MGAT4C: variants seen among roughly 807,000 people sequenced by gnomAD.
MGAT4C encodes MGAT4 family member C.
MGAT4C carries 19 observed loss-of-function variants against 40.1 expected under a neutral mutation model. That is an observed-to-expected ratio of 0.47 (90% CI 0.33 to 0.70). MGAT4C has a LOEUF of 0.70. Ranked by LOEUF, MGAT4C falls within the 30% of genes least tolerant of loss-of-function variation. MGAT4C has a pLI of 0.02. For missense variants in MGAT4C, 491 were observed against 563.2 expected (o/e 0.87, Z 1.30); for synonymous variants, 181 against 187.1 (o/e 0.97, Z 0.27).
intron 1 of MGAT4C, among the ~76,000 whole-genome samples, chr12:86,219,302 G>A (rs1950791033): frequency 6.6e-6 from 1 of 152,144 alleles, no homozygotes; most frequent in South Asian, 2.1e-4. Flanking sequence ...TCAAAGCTCT[G>A]CATTATATGA....
intron 1 of MGAT4C, among the ~76,000 whole-genome samples, chr12:86,168,014 TAAG>T (rs141747716): frequency 0.056 from 8,526 of 152,280 alleles, 348 homozygotes; most frequent in Middle Eastern, 0.088. Flanking sequence ...AAAGTTTTCA[TAAG>T]AAGGTAGACC....
chr12:86,758,172 CAA>C (rs1211603919), intron 1 of MGAT4C, among the ~76,000 whole-genome samples: 5 of 152,022 alleles, frequency 3.3e-5, no homozygotes, highest in Non-Finnish European at 7.4e-5. Flanking sequence ...TTCAATTACC[CAA>C]AGTTTCTTTG....
At chr12:86,104,688 A>G (rs1358127390) in intron 1 of MGAT4C, among the ~76,000 whole-genome samples, 4 of 152,156 alleles carry the variant, frequency 2.6e-5, no homozygotes, top group Admixed American at 2.6e-4. Context: ...TTTACAGAAA[A>G]TCGAAATAAG....
intron 2 of MGAT4C, among the ~76,000 whole-genome samples, chr12:86,503,474 CATATATATATATGAGTTCTGCTCAT>C (rs1958403526): frequency 1.1e-3 from 3 of 2,826 alleles, no homozygotes; most frequent in African/African-American, 3.8e-3. Flanking sequence ...GAGTTCTGCT[CATATATATATATGAGTTCTGCTCAT>C]ATATATATAT....
At position 86,036,867 on chromosome 12, in the gene MGAT4C, G is replaced by A. The variant is rs1433778248; in HGVS notation, c.-7+12807C>T. Among the ~76,000 whole-genome samples, 2 of 149,984 alleles carry A rather than the reference G, an allele frequency of 1.3e-5. 1 individual carries two copies. Among genetic ancestry groups the A allele is most frequent in the African/African-American group, 4.8e-5 (2 of 41,246 alleles). On this transcript the variant is annotated intron_variant, in intron 2 of 4. Coordinates refer to ENST00000611864, the MANE Select transcript of MGAT4C (RefSeq NM_001351288.2). ...TGTTTGGAATAGTTTCAGAAGGAATGATACCAGCTCCTCTTTGTACCTCTG... is the reference window on the plus strand; with the variant it reads ...TGTTTGGAATAGTTTCAGAAGGAATAATACCAGCTCCTCTTTGTACCTCTG...
At chr12:86,147,246 ATTTTT>A (rs201770308) in intron 1 of MGAT4C, among the ~76,000 whole-genome samples, 1 of 148,134 alleles carries the variant, frequency 6.8e-6, no homozygotes, top group Non-Finnish European at 1.5e-5. Flanking sequence ...AATTTATTAA[ATTTTT>A]TTTTTTTTGA....
chr12:86,704,799 A>G (rs1950426506), intron 2 of MGAT4C, among the ~76,000 whole-genome samples: 2 of 152,184 alleles, frequency 1.3e-5, no homozygotes, highest in Admixed American at 6.5e-5. Context: ...CACATGATAT[A>G]TTACTACTAA....
rs573580135 is a variant in MGAT4C at position 86,691,374 on chromosome 12, A to G, written c.-229+35835T>C. Among the ~76,000 whole-genome samples the G allele has an allele frequency of 1.4e-3, 210 of 152,324 alleles. 1 individual carries two copies. The highest frequency in any genetic ancestry group is 4.9e-3 in the African/African-American group (204 of 41,590). ...TTGAGCTGTGGATTCCAAAAGCACC[A>G]GGTGATATTTTGAGATGTATGAACA... is the stretch of plus-strand genomic sequence containing the variant. On this transcript the variant is annotated intron_variant, in intron 2 of 7. Transcript: ENST00000548651.
intron 1 of MGAT4C, among the ~76,000 whole-genome samples, chr12:86,793,024 A>G (rs1030839268): frequency 2.0e-5 from 3 of 152,226 alleles, no homozygotes; most frequent in Non-Finnish European, 4.4e-5. Context: ...AGACTATTCT[A>G]TTCCTCAAAT....
At chr12:86,719,636 C>G (rs1457743189) in intron 2 of MGAT4C, among the ~76,000 whole-genome samples, 7 of 152,106 alleles carry the variant, frequency 4.6e-5, no homozygotes, top group Non-Finnish European at 8.8e-5. Flanking sequence ...CTGAATCATC[C>G]TTCCTTTTAC....
In MGAT4C at chr12:86,375,576, C is replaced by G. The variant is rs150786103; in HGVS notation, c.-119-41449G>C. 1.6e-3 allele frequency among the ~76,000 whole-genome samples: 239 copies of G among 151,942 alleles called. 1 individual carries two copies. The highest frequency in any genetic ancestry group is 3.6e-3 in the Middle Eastern group (1 of 278). On this transcript the variant is annotated intron_variant, in intron 3 of 7. Transcript: ENST00000548651. ...TGTATAAGCATAAATAAATATTTGA[C>G]AAATTCTTCCAAACTAGGATACATC... is the stretch of plus-strand genomic sequence containing the variant.
At chr12:86,484,208 C>G (rs369553167) in intron 2 of MGAT4C, among the ~76,000 whole-genome samples, 1 of 152,066 alleles carries the variant, frequency 6.6e-6, no homozygotes, top group African/African-American at 2.4e-5. Flanking sequence ...AGCCGAGGAG[C>G]TTCTGTGTTC....
At chr12:86,691,332 T>C (rs1950169886) in intron 2 of MGAT4C, among the ~76,000 whole-genome samples, 1 of 152,162 alleles carries the variant, frequency 6.6e-6, no homozygotes. Flanking sequence ...TCTCAGAGTA[T>C]AAAAGTTCTT....
intron 1 of MGAT4C, among the ~76,000 whole-genome samples, chr12:86,805,127 A>G (rs1285706476): frequency 6.6e-6 from 1 of 152,016 alleles, no homozygotes; most frequent in Non-Finnish European, 1.5e-5. Context: ...CTAGTTTTCA[A>G]TGACTGTGAT....
At chr12:86,485,247 A>G (rs939192928) in intron 2 of MGAT4C, among the ~76,000 whole-genome samples, 1 of 152,186 alleles carries the variant, frequency 6.6e-6, no homozygotes, top group Admixed American at 6.5e-5. Context: ...CCAGACTGAA[A>G]TGACAGACAG....
intron 4 of MGAT4C, among the ~76,000 whole-genome samples, chr12:86,330,467 G>A (rs953892903): frequency 6.6e-6 from 1 of 152,080 alleles, no homozygotes; most frequent in African/African-American, 2.4e-5. Context: ...GAAATCTTGA[G>A]ACCAATGAGA....
At chr12:86,707,160 T>G (rs992632973) in intron 2 of MGAT4C, among the ~76,000 whole-genome samples, 6 of 152,168 alleles carry the variant, frequency 3.9e-5, no homozygotes, top group Non-Finnish European at 7.3e-5. Context: ...GGTAAATTGG[T>G]ACCAGTAAAG....
chr12:86,373,444 C>T (rs1012953497), intron 3 of MGAT4C, among the ~76,000 whole-genome samples: 3 of 151,854 alleles, frequency 2.0e-5, no homozygotes, highest in African/African-American at 7.2e-5. Context: ...TTTATATCAT[C>T]CTTACAATAT....
intron 1 of MGAT4C, among the ~76,000 whole-genome samples, chr12:86,180,466 C>T (rs557303818): frequency 2.6e-4 from 39 of 152,242 alleles, no homozygotes; most frequent in African/African-American, 6.5e-4. Context: ...GCACCGTGCA[C>T]GTGGAAAAGC....
Sources: allele counts gnomAD v4.1 joint callset (sites outside exome capture counted in the v4.1 genomes callset), GRCh38; gene constraint gnomAD v4.1.1; transcripts MANE v1.5; gene names NCBI Gene and HGNC (gene_info 2026-07-23, HGNC 2026-07-21).